Variants in ENPP5 observed in about 807,000 individuals in gnomAD.
ENPP5 encodes ectonucleotide pyrophosphatase/phosphodiesterase family member 5, also known as E-NPP 5.
A neutral mutation model predicts 33.7 loss-of-function variants in ENPP5; 27 were observed. The ratio of observed to expected loss-of-function variants is 0.80; its 90% CI spans 0.59 to 1.11. The LOEUF (loss-of-function observed/expected upper bound fraction) is 1.11, where lower values mean the gene tolerates loss of function less well. Among genes scored for constraint, ENPP5 ranks in the 50% least tolerant of loss-of-function variants. The pLI is 0.00. For synonymous variants in ENPP5, 199 were observed against 200.5 expected (o/e 0.99, Z 0.06); for missense variants, 552 against 579.2 (o/e 0.95, Z 0.48).
In ENPP5 at chr6:46,170,807, C is replaced by A. The variant is rs1373043007; in HGVS notation, c.-98+1G>T. The A allele has an allele frequency of 6.6e-6, 1 of 152,202 alleles. No homozygotes were observed. Among genetic ancestry groups the A allele is most frequent in the Non-Finnish European group, 1.5e-5 (1 of 68,094 alleles). The allele number at this position is 152,202 out of a possible 1,614,324, so 9.4% of individuals were successfully genotyped here. ...GAAGCCACCCACGCCCCTGGACTCA[C>A]CCTCGCAGCGATCCGTTCAGTCCGT... On this transcript the variant is annotated splice_donor_variant, in intron 1 of 4. Coordinates refer to ENST00000371383, the MANE Select transcript of ENPP5 (RefSeq NM_001290072.2). LOFTEE classifies it low-confidence loss of function (5UTR_SPLICE).
In ENPP5 at chr6:46,161,458, G is replaced by A. The variant is rs375879187; in HGVS notation, c.1302C>T (p.Phe434=). ...TAATGCTGCCAAGAGAGACCCCTATGAAATAAGGGTATGACCCCTCTTGGT... is the reference window on the plus strand; with the variant it reads ...TAATGCTGCCAAGAGAGACCCCTATAAAATAAGGGTATGACCCCTCTTGGT... ...EYDQEGSYPY[F]IGVSLGSIIV... is the part of the protein sequence containing the mutation. Residue 434 remains phenylalanine (F), a synonymous_variant, in exon 5 of 5, where the codon TTC becomes TTT. Transcript: ENST00000371383. 494 of 1,613,324 alleles carry A rather than the reference G, an allele frequency of 3.1e-4. No homozygotes were observed. The highest frequency in any genetic ancestry group is 3.9e-4 in the Non-Finnish European group (459 of 1,179,296).
chr6:46,165,996 A>C (rs1665337399), intron 3 of ENPP5, among the ~76,000 whole-genome samples: 1 of 152,138 alleles, frequency 6.6e-6, no homozygotes, highest in African/African-American at 2.4e-5. Flanking sequence ...GAAACATCTG[A>C]AAACACTGGA....
At chr6:46,168,602 T>TAA (rs1764629575) in intron 2 of ENPP5, among the ~76,000 whole-genome samples, 2 of 152,222 alleles carry the variant, frequency 1.3e-5, no homozygotes, top group African/African-American at 4.8e-5. Context: ...ATAAAACTTT[T>TAA]AGAAACATTT....
rs1368961293 is a variant in ENPP5, at chr6:46,168,056, A to G, written c.207T>C (p.Ile69=). The change falls in exon 3 of 5, where the codon ATT becomes ATC. Residue 69 remains isoleucine (I), a synonymous_variant. Transcript: ENST00000371383. ...TATAATGGTTAGGGTAGGTTTTTGT[A>G]ATAAAAACATTAGTAACTTGCTTCA... ...VHVKQVTNVF[I]TKTYPNHYTL... 6.2e-7 allele frequency: 1 copy of G among 1,613,946 alleles called. No individual in the cohort carries two copies. The highest frequency in any genetic ancestry group is 1.1e-5 in the South Asian group (1 of 91,042).
chr6:46,169,098 T>C (rs1446686206), intron 2 of ENPP5, among the ~76,000 whole-genome samples: 1 of 152,214 alleles, frequency 6.6e-6, no homozygotes, highest in Non-Finnish European at 1.5e-5. Flanking sequence ...ACTTCCCTGG[T>C]TTAAAGCTCT....
At chr6:46,166,976 G>A (rs774810989) in intron 3 of ENPP5, among the ~76,000 whole-genome samples, 4 of 152,146 alleles carry the variant, frequency 2.6e-5, no homozygotes, top group Non-Finnish European at 4.4e-5. Context: ...ACATTTATAA[G>A]GAAAATAAAC....
chr6:46,169,171 A>G (rs1764652009), intron 2 of ENPP5, among the ~76,000 whole-genome samples: 3 of 152,140 alleles, frequency 2.0e-5, no homozygotes, highest in Admixed American at 2.0e-4. Context: ...CTTTCATTCT[A>G]TTGAAGAAAG....
At chr6:46,169,027 A>C (rs1764647041) in intron 2 of ENPP5, among the ~76,000 whole-genome samples, 1 of 152,194 alleles carries the variant, frequency 6.6e-6, no homozygotes, top group Non-Finnish European at 1.5e-5. Flanking sequence ...TTTGTTGTTG[A>C]CTTTCCTAAT....
intron 3 of ENPP5, among the ~76,000 whole-genome samples, chr6:46,166,565 G>A (rs934355420): frequency 7.9e-5 from 12 of 151,454 alleles, no homozygotes; most frequent in South Asian, 2.1e-4. Flanking sequence ...GATTATAGGC[G>A]TGAGCAACCA....
intron 4 of ENPP5, among the ~76,000 whole-genome samples, chr6:46,162,041 G>C (rs1426524848): frequency 6.6e-6 from 1 of 151,948 alleles, no homozygotes; most frequent in Non-Finnish European, 1.5e-5. Flanking sequence ...TAGAGTTTTT[G>C]TTTGTTTGTT....
At chr6:46,169,879 C>A (rs1424434086) in intron 2 of ENPP5, among the ~76,000 whole-genome samples, 174 bp downstream of exon 2, 1 of 152,090 alleles carries the variant, frequency 6.6e-6, no homozygotes, top group Admixed American at 6.5e-5. Context: ...TTCACCATAC[C>A]TAGACATTTC....
Position 46,167,690 on chromosome 6 carries a change from A to T in ENPP5, c.573T>A (p.Asp191Glu). The stretch of plus-strand genomic sequence containing the variant: ...CAGGTCCCAAATGGTGGCCCATGTC[A>T]TCAGGGTCTTCCCAATAGAGAAGAC... ...NLGLLYWEDPDDMGHHLGPDS... is the reference protein window; with the variant it reads ...NLGLLYWEDPEDMGHHLGPDS... The change falls in exon 3 of 5, where the codon GAT becomes GAA. Residue 191 changes from aspartate (D) to glutamate (E), a missense_variant. Asp to Glu is a conservative substitution (Grantham distance 45). Coordinates refer to ENST00000371383, the MANE Select transcript of ENPP5 (RefSeq NM_001290072.2). 6.2e-7 allele frequency: 1 copy of T among 1,614,220 alleles called. No homozygotes were observed. The highest frequency in any genetic ancestry group is 8.5e-7 in the Non-Finnish European group (1 of 1,180,020).
At chr6:46,169,424 ACT>A (rs1945040361) in intron 2 of ENPP5, among the ~76,000 whole-genome samples, 1 of 144,996 alleles carries the variant, frequency 6.9e-6, no homozygotes, top group African/African-American at 2.6e-5. Context: ...AGGGAGTCTC[ACT>A]CTGTTGCCCA....
chr6:46,165,422 C>A lies in ENPP5; in HGVS notation c.971G>T (p.Trp324Leu). 1 of 1,595,558 alleles carries A rather than the reference C, an allele frequency of 6.3e-7. No homozygotes were observed. The highest frequency in any genetic ancestry group is 8.5e-7 in the Non-Finnish European group (1 of 1,174,996). ...QPIIAVADEG[W>L]HILQNKSDDF... ...ATCTGACTTATTCTGTAAAATGTGC[C>A]ACCCTTCATCAGCCACTGCTATGAT... The change falls in exon 4 of 5, where the codon TGG (tryptophan) becomes TTG (leucine). Residue 324 changes from tryptophan to leucine, a missense_variant. Physicochemically the swap from Trp to Leu is moderately conservative, Grantham distance 61 (BLOSUM62 -2). Coordinates refer to ENST00000371383, the MANE Select transcript of ENPP5 (RefSeq NM_001290072.2).
chr6:46,167,668 G>T lies in ENPP5; in HGVS notation c.595C>A (p.Pro199Thr). 1 of 1,614,064 alleles carries T rather than the reference G, an allele frequency of 6.2e-7. No homozygotes were observed. The highest frequency in any genetic ancestry group is 1.1e-5 in the South Asian group (1 of 91,080). The stretch of plus-strand genomic sequence containing the variant: ...ACAGGCCCCATGAGCGGACTGTCAG[G>T]TCCCAAATGGTGGCCCATGTCATCA... Reference protein sequence around the residue: ...DPDDMGHHLGPDSPLMGPVIS... With the variant: ...DPDDMGHHLGTDSPLMGPVIS... The change falls in exon 3 of 5, where the codon CCT becomes ACT. Residue 199 changes from proline (P) to threonine (T), a missense_variant. By Grantham distance (38) the Pro-to-Thr change is conservative (BLOSUM62 -1). Coordinates refer to ENST00000371383, the MANE Select transcript of ENPP5 (RefSeq NM_001290072.2).
intron 4 of ENPP5, among the ~76,000 whole-genome samples, chr6:46,163,919 T>C (rs1318356657): frequency 6.6e-6 from 1 of 152,158 alleles, no homozygotes; most frequent in Non-Finnish European, 1.5e-5. Flanking sequence ...CTGGATCCCT[T>C]CCTTACACCT....
At chr6:46,162,080 A>C (rs1453994627) in intron 4 of ENPP5, among the ~76,000 whole-genome samples, 4 of 152,168 alleles carry the variant, frequency 2.6e-5, no homozygotes. Flanking sequence ...TACTGGTGGC[A>C]AAGTAATATT....
rs138339234 is a variant in ENPP5, at chr6:46,165,467, T to C, written c.926A>G (p.Tyr309Cys). The change falls in exon 4 of 5, where the codon TAC becomes TGC. Residue 309 changes from tyrosine to cysteine, a missense_variant. Transcript: ENST00000371383. ...EDVPERWHYK[Y>C]NSRIQPIIAV... is the part of the protein sequence containing the mutation. ...TATGATTGGTTGAATTCGACTGTTG[T>C]ATTTGTAATGCCACCTTTCTGGAAC... is the stretch of plus-strand genomic sequence containing the variant. 1.6e-4 allele frequency: 264 copies of C among 1,611,650 alleles called. 1 individual carries two copies. Among genetic ancestry groups the C allele is most frequent in the Non-Finnish European group, 3.0e-5 (35 of 1,179,566 alleles).
Position 46,160,737 on chromosome 6 carries a change from G to A in ENPP5, c.*589C>T, listed in dbSNP as rs1290247341. On this transcript the variant is annotated 3_prime_UTR_variant, in exon 5 of 5. Transcript: ENST00000371383. ...TGCCCACAGTTGCATTCTGCTGTTG[G>A]GAATACATCTCCAAAATTCAAGGTT... The A allele has an allele frequency of 6.6e-6, 1 of 152,296 alleles. No individual in the cohort carries two copies. The highest frequency in any genetic ancestry group is 1.5e-5 in the Non-Finnish European group (1 of 68,214). 9.4% of individuals were successfully genotyped at this position (152,296 alleles called of 1,614,324 possible). A position where few individuals can be genotyped will look rare whatever the true frequency, so the allele number is the denominator to read the frequency against.
Sources: gnomAD v4.1 joint callset for allele counts (sites outside exome capture counted in the v4.1 genomes callset) on GRCh38, gnomAD v4.1.1 for gene constraint, MANE v1.5 for transcripts, NCBI Gene and HGNC (gene_info 2026-07-23, HGNC 2026-07-21) for gene names.